The following NAV2 variants were observed in gnomAD, a reference collection of about 807,000 sequenced individuals.
NAV2 encodes the protein helicase, APC down-regulated 1.
NAV2 carries 54 observed loss-of-function variants against 223.2 expected under a neutral mutation model. The ratio of observed to expected loss-of-function variants is 0.24; its 90% CI spans 0.19 to 0.30. NAV2 has a LOEUF of 0.30. Ranked by LOEUF, NAV2 falls within the 10% of genes least tolerant of loss-of-function variation. NAV2 has a pLI of 1.00. For synonymous variants in NAV2, 1,279 were observed against 1,239.3 expected (o/e 1.03, Z -0.67); for missense variants, 2,806 against 3,147.5 (o/e 0.89, Z 2.60).
At chr11:19,547,684 G>C (rs564118194) in intron 1 of NAV2, among the ~76,000 whole-genome samples, 1 of 152,062 alleles carries the variant, frequency 6.6e-6, no homozygotes, top group African/African-American at 2.4e-5. Flanking sequence ...GAGAGCCCGG[G>C]GGACAAGTAG....
chr11:19,723,814 G>C (rs1053274177), intron 1 of NAV2, among the ~76,000 whole-genome samples: 1 of 152,202 alleles, frequency 6.6e-6, no homozygotes, highest in African/African-American at 2.4e-5. Context: ...CCACATGCTG[G>C]CTGCAGCTCT....
In NAV2 at chr11:19,998,989, C is replaced by T. The variant is rs1764894883; in HGVS notation, c.2768+14742C>T. On this transcript the variant is annotated intron_variant, in intron 11 of 37. Transcript: ENST00000349880. The surrounding 1 kb of genome is among the most constrained non-coding windows in gnomAD (Gnocchi z 5.0). ...TGAATCCCCTCTCCCAGCACAGGGC[C>T]CGTCCAGAGAGGGTGCTTATTACAT... is the stretch of plus-strand genomic sequence containing the variant. Among the ~76,000 whole-genome samples, 1 of 152,194 alleles carries T rather than the reference C, an allele frequency of 6.6e-6. No individual in the cohort carries two copies. Among genetic ancestry groups the T allele is most frequent in the Admixed American group, 6.5e-5 (1 of 15,278 alleles).
chr11:19,659,092 T>G (rs1324475033), intron 1 of NAV2, among the ~76,000 whole-genome samples: 1 of 152,130 alleles, frequency 6.6e-6, no homozygotes, highest in Non-Finnish European at 1.5e-5. Flanking sequence ...ATGGATAATA[T>G]AAAGAAAACT....
At chr11:19,375,420 T>G (rs1848608318) in intron 1 of NAV2, among the ~76,000 whole-genome samples, 1 of 152,206 alleles carries the variant, frequency 6.6e-6, no homozygotes, top group Non-Finnish European at 1.5e-5. Context: ...TCTCCTACAA[T>G]CTAGCAAAAT....
intron 1 of NAV2, among the ~76,000 whole-genome samples, chr11:19,785,397 T>C (rs1233929035): frequency 6.6e-6 from 1 of 152,212 alleles, no homozygotes; most frequent in Non-Finnish European, 1.5e-5. Context: ...GCCATGTTTC[T>C]TTGGAAATGG....
chr11:19,792,338 G>A (rs1440686607), intron 1 of NAV2, among the ~76,000 whole-genome samples: 2 of 152,178 alleles, frequency 1.3e-5, no homozygotes, highest in Admixed American at 6.5e-5. Flanking sequence ...AGTAGTGGGG[G>A]GCATTGCCCC....
Position 19,934,097 on chromosome 11 carries a change from C to T in NAV2, c.1853C>T (p.Ser618Phe). 1 of 1,613,588 alleles carries T rather than the reference C, an allele frequency of 6.2e-7. No individual in the cohort carries two copies. Among genetic ancestry groups the T allele is most frequent in the Non-Finnish European group, 8.5e-7 (1 of 1,179,746 alleles). ...RHSSSSSSLA[S>F]SEGKGPGGTT... The stretch of plus-strand genomic sequence containing the variant: ...TCCAGTTCCTCTTCCAGCCTGGCGT[C>T]CTCAGAAGGAAAAGGCCCAGGAGGG... The change falls in exon 7 of 38, where the codon TCC (serine) becomes TTC (phenylalanine). Residue 618 changes from serine to phenylalanine, a missense_variant. This residue lies in a region of NAV2 where 1,167 missense variants were observed against 1,180.5 expected (regional missense o/e 0.99). Transcript: ENST00000349880.
At chr11:20,026,088 A>G (rs925792739) in intron 11 of NAV2, among the ~76,000 whole-genome samples, 2 of 151,920 alleles carry the variant, frequency 1.3e-5, no homozygotes, top group African/African-American at 2.4e-5. Flanking sequence ...ACCTATTTTC[A>G]TTTTTTCTGC....
At chr11:19,936,647 C>G (rs1351209808) in intron 7 of NAV2, among the ~76,000 whole-genome samples, 1 of 152,208 alleles carries the variant, frequency 6.6e-6, no homozygotes, top group Non-Finnish European at 1.5e-5. Context: ...TGTCCTTTAT[C>G]AGCCCTTGGT....
chr11:19,533,178 C>A (rs2044080160), intron 1 of NAV2, among the ~76,000 whole-genome samples: 1 of 152,066 alleles, frequency 6.6e-6, no homozygotes, highest in Admixed American at 6.5e-5. Context: ...ACATTTCAAC[C>A]AGGAATATAG....
chr11:19,643,677 C>T (rs1037648568), intron 1 of NAV2, among the ~76,000 whole-genome samples: 5 of 152,116 alleles, frequency 3.3e-5, no homozygotes, highest in Admixed American at 2.0e-4. Context: ...TGGATATATA[C>T]CCAGTAATGG....
chr11:20,078,945 A>T (rs936017770), intron 24 of NAV2, among the ~76,000 whole-genome samples: 5 of 152,214 alleles, frequency 3.3e-5, no homozygotes, highest in African/African-American at 1.2e-4. Flanking sequence ...CAATGATTTC[A>T]TTATCTGGTT....
intron 1 of NAV2, among the ~76,000 whole-genome samples, chr11:19,753,913 G>A (rs560691128): frequency 6.6e-6 from 1 of 152,244 alleles, no homozygotes; most frequent in South Asian, 2.1e-4. Context: ...CTCAGAGGGA[G>A]GGTGGGGAGA....
In NAV2 at chr11:19,998,323, A is replaced by G. The variant is rs542749757; in HGVS notation, c.2768+14076A>G. Among the ~76,000 whole-genome samples, 6 of 151,518 alleles carry G rather than the reference A, an allele frequency of 4.0e-5. No homozygotes were observed. Among genetic ancestry groups the G allele is most frequent in the East Asian group, 2.0e-4 (1 of 5,120 alleles). On this transcript the variant is annotated intron_variant, in intron 11 of 37. Coordinates refer to ENST00000349880, the MANE Select transcript of NAV2 (RefSeq NM_145117.5). This position sits in a 1 kb window ranked among gnomAD's most constrained non-coding sequence, Gnocchi z 5.0. ...TCCCTCTCCTTCTCTCTCATTGGCC[A>G]TGGTGCAGGGGTCTAGGCTGCCGTC...
chr11:19,819,317 C>T (rs941827512), intron 1 of NAV2, among the ~76,000 whole-genome samples: 7 of 152,136 alleles, frequency 4.6e-5, no homozygotes, highest in Non-Finnish European at 8.8e-5. Flanking sequence ...CGGGGACTGA[C>T]ATTTACTTTG....
rs141114750 is a variant in NAV2 at position 19,929,410 on chromosome 11, T to C, written c.932-3766T>C. ...ATGACTTGACATACCCTTCATGTCA[T>C]AGGGGACTTCTGGCTGTGACATGAG... On this transcript the variant is annotated intron_variant, in intron 6 of 37. Coordinates refer to ENST00000349880, the MANE Select transcript of NAV2 (RefSeq NM_145117.5). 1.3e-3 allele frequency among the ~76,000 whole-genome samples: 205 copies of C among 152,306 alleles called. 3 individuals are homozygous for C. Among genetic ancestry groups the C allele is most frequent in the Admixed American group, 0.011 (166 of 15,294 alleles).
At chr11:19,848,580 T>G (rs1266103090) in intron 3 of NAV2, among the ~76,000 whole-genome samples, 1 of 152,188 alleles carries the variant, frequency 6.6e-6, no homozygotes, top group Non-Finnish European at 1.5e-5. Context: ...CCTTAGTCTC[T>G]AAGGGAGCCA....
At chr11:20,021,969 G>T (rs1019782405) in intron 11 of NAV2, among the ~76,000 whole-genome samples, 1 of 152,112 alleles carries the variant, frequency 6.6e-6, no homozygotes, top group African/African-American at 2.4e-5. Context: ...ACCTCGCTTG[G>T]AGCCAGTTAC....
rs191012668 is a variant in NAV2, at chr11:19,394,405, T to C, written c.75+43378T>C. Among the ~76,000 whole-genome samples the C allele has an allele frequency of 1.5e-3, 224 of 152,348 alleles. 1 individual carries two copies. In the South Asian group the frequency reaches 0.017, roughly 12 times the overall value. On this transcript the variant is annotated intron_variant, in intron 1 of 37. Coordinates refer to the NAV2 transcript ENST00000360655. Reference sequence around the variant, plus strand: ...GCATTCATTCACTCATTTGTTTCTTTAGCCAATATTTTCTGGACACTTACT... The same window carrying C: ...GCATTCATTCACTCATTTGTTTCTTCAGCCAATATTTTCTGGACACTTACT...
Sources: gnomAD v4.1 joint callset for allele counts (sites outside exome capture counted in the v4.1 genomes callset) on GRCh38, gnomAD v4.1.1 for gene constraint, gnomAD v4.1.1 regional missense constraint, Gnocchi (gnomAD v3.1) non-coding constraint, MANE v1.5 for transcripts, NCBI Gene and HGNC (gene_info 2026-07-23, HGNC 2026-07-21) for gene names.